Variants in CDH4 observed in about 807,000 individuals in gnomAD.
CDH4 encodes cadherin 4.
Under a neutral mutation model 86.0 loss-of-function variants are expected in CDH4, and 33 were observed. The ratio of observed to expected loss-of-function variants is 0.38; its 90% confidence interval spans 0.29 to 0.51. The LOEUF (loss-of-function observed/expected upper bound fraction) is 0.51. Ranked by LOEUF, CDH4 falls within the 20% of genes least tolerant of loss-of-function variation. CDH4 has a pLI of 0.86. For synonymous variants in CDH4, 555 were observed against 549.4 expected, an observed-to-expected ratio of 1.01 and a Z score of -0.14; for missense variants, 1,114 against 1,307.4, an observed-to-expected ratio of 0.85 and a Z score of 2.28.
At chr20:61,603,057 G>T (rs1349903491) in intron 2 of CDH4, among the ~76,000 whole-genome samples, 1 of 152,238 alleles carries the variant, frequency 6.6e-6, no homozygotes, top group Non-Finnish European at 1.5e-5. Flanking sequence ...AAGGATACAC[G>T]TTGGGAGCGC....
intron 1 of CDH4, 142 bp from the exon 2 acceptor site, chr20:61,254,681 GGGT>G: frequency 1.5e-6 from 1 of 660,520 alleles, no homozygotes; most frequent in Non-Finnish European, 2.8e-6. Flanking sequence ...GGAGCAGACG[GGGT>G]ATCGCGTCTG....
chr20:61,628,681 G>T (rs1005417363), intron 2 of CDH4, among the ~76,000 whole-genome samples: 2 of 152,192 alleles, frequency 1.3e-5, no homozygotes, highest in African/African-American at 4.8e-5. Context: ...CGCCCAGCGG[G>T]TCTGTTGAAT....
At chr20:61,719,310 C>A in intron 2 of CDH4, 1 of 360,220 alleles carries the variant, frequency 2.8e-6, no homozygotes, top group Non-Finnish European at 5.7e-6. Context: ...ATTGCAGAAT[C>A]TTCCAAGGTA....
intron 2 of CDH4, among the ~76,000 whole-genome samples, chr20:61,315,441 A>G (rs2084471025): frequency 6.6e-6 from 1 of 152,188 alleles, no homozygotes; most frequent in South Asian, 2.1e-4. Context: ...GAAGCCAGCC[A>G]GCCTCAGACA....
intron 2 of CDH4, among the ~76,000 whole-genome samples, chr20:61,396,411 G>A (rs1233503044): frequency 6.6e-6 from 1 of 152,152 alleles, no homozygotes; most frequent in African/African-American, 2.4e-5. Flanking sequence ...AGGAGGATCT[G>A]GAAAGCACGT....
At chr20:61,636,872 C>T (rs1468468113) in intron 2 of CDH4, among the ~76,000 whole-genome samples, 2 of 152,192 alleles carry the variant, frequency 1.3e-5, no homozygotes, top group East Asian at 1.9e-4. Context: ...TGGAGGGCAG[C>T]TAGCTGGGGG....
chr20:61,896,709 T>TCTTC (rs1334992433), intron 8 of CDH4, among the ~76,000 whole-genome samples: 2 of 152,214 alleles, frequency 1.3e-5, no homozygotes, highest in Non-Finnish European at 2.9e-5. Flanking sequence ...CTATTTGCTC[T>TCTTC]CTTCCGGCCA....
At chr20:61,842,275 A>G (rs1028072724) in intron 4 of CDH4, among the ~76,000 whole-genome samples, 7 of 152,200 alleles carry the variant, frequency 4.6e-5, no homozygotes, top group African/African-American at 1.2e-4. Flanking sequence ...GCTGGCTGGC[A>G]TCTCTGCTGG....
intron 2 of CDH4, among the ~76,000 whole-genome samples, chr20:61,359,640 C>G (rs1423002033): frequency 1.3e-5 from 2 of 152,232 alleles, no homozygotes; most frequent in Non-Finnish European, 2.9e-5. Flanking sequence ...TAGCATCACT[C>G]TCTTCTCTCC....
Position 61,395,650 on chromosome 20 carries a change from C to T in CDH4, c.169+140713C>T, listed in dbSNP as rs958985779. ...CAAGCATTAGTTGGGCATGGTGGTT[C>T]GTGCCTATAGGCCCAGCTACTCCAG... On this transcript the variant is annotated intron_variant, in intron 2 of 15. Coordinates refer to ENST00000614565, the MANE Select transcript of CDH4 (RefSeq NM_001794.5). 5.3e-5 allele frequency among the ~76,000 whole-genome samples: 8 copies of T among 152,154 alleles called. No individual in the cohort carries two copies. In the South Asian group the frequency reaches 6.2e-4, roughly 12 times the overall value.
At chr20:61,867,333 T>G (rs942221194) in intron 6 of CDH4, among the ~76,000 whole-genome samples, 1 of 152,172 alleles carries the variant, frequency 6.6e-6, no homozygotes, top group Admixed American at 6.5e-5. Flanking sequence ...GTGGATCACC[T>G]AAGCTCAGGA....
At chr20:61,426,746 C>T (rs1212372736) in intron 2 of CDH4, among the ~76,000 whole-genome samples, 2 of 152,196 alleles carry the variant, frequency 1.3e-5, no homozygotes, top group South Asian at 2.1e-4. Flanking sequence ...GCTTTGGCCC[C>T]GCAAATTCCT....
chr20:61,354,149 G>A (rs905820004), intron 2 of CDH4, among the ~76,000 whole-genome samples: 7 of 151,422 alleles, frequency 4.6e-5, no homozygotes, highest in African/African-American at 7.3e-5. Context: ...GGGTGCCGCC[G>A]ACCGTCCTAC....
At chr20:61,725,981 C>T (rs764781894) in intron 2 of CDH4, among the ~76,000 whole-genome samples, 25 of 152,198 alleles carry the variant, frequency 1.6e-4, no homozygotes, top group Non-Finnish European at 2.9e-4. Context: ...TCCCTGAGTC[C>T]CAGCTATCAG....
At position 61,510,455 on chromosome 20, in the gene CDH4, C is replaced by T. The variant is rs2085771426; in HGVS notation, c.170-233108C>T. Among the ~76,000 whole-genome samples, 1 of 152,188 alleles carries T rather than the reference C, an allele frequency of 6.6e-6. No homozygotes were observed. Among genetic ancestry groups the T allele is most frequent in the Admixed American group, 6.5e-5 (1 of 15,280 alleles). ...AGAGCTGGAAGGATACGTTTACTAT[C>T]GGAATGCCCGCATGCCTGCTGGGCT... On this transcript the variant is annotated intron_variant, in intron 2 of 15. Transcript: ENST00000614565. The surrounding 1 kb of genome is among the most constrained non-coding windows in gnomAD (Gnocchi z 4.2).
At chr20:61,451,122 G>GCC (rs11313145) in intron 2 of CDH4, among the ~76,000 whole-genome samples, 2,635 of 100,318 alleles carry the variant, frequency 0.026, 25 homozygotes, top group African/African-American at 0.055. Flanking sequence ...TCCCTCTCAC[G>GCC]CCCCCCCCCT....
chr20:61,321,111 A>T (rs900144937), intron 2 of CDH4, among the ~76,000 whole-genome samples: 19 of 152,184 alleles, frequency 1.2e-4, no homozygotes, highest in Non-Finnish European at 2.9e-5. Context: ...GGTCAGCCAC[A>T]CCGCACATTT....
chr20:61,791,297 G>A (rs940537639), intron 4 of CDH4, among the ~76,000 whole-genome samples: 3 of 152,242 alleles, frequency 2.0e-5, no homozygotes, highest in African/African-American at 7.2e-5. Context: ...CTGAAGCCTA[G>A]CCCTGAGGAA....
At chr20:61,430,324 A>G (rs76643158) in intron 2 of CDH4, among the ~76,000 whole-genome samples, 4,338 of 151,890 alleles carry the variant, frequency 0.029, 96 homozygotes, top group Non-Finnish European at 0.044. Flanking sequence ...TTTTTCAGCA[A>G]CCTCCCCCAC....
Sources: gnomAD v4.1 joint callset for allele counts (sites outside exome capture counted in the v4.1 genomes callset) on GRCh38, gnomAD v4.1.1 for gene constraint, Gnocchi (gnomAD v3.1) non-coding constraint, MANE v1.5 for transcripts, NCBI Gene and HGNC (gene_info 2026-07-23, HGNC 2026-07-21) for gene names.